RGS6: variants seen among roughly 807,000 people sequenced by gnomAD.
RGS6 encodes the protein regulator of G protein signaling 6, also known as regulator of G-protein signaling 6.
RGS6 carries 30 observed loss-of-function variants against 78.5 expected under a neutral mutation model. The ratio of observed to expected loss-of-function variants is 0.38; its 90% CI spans 0.29 to 0.52. The LOEUF is 0.52. RGS6 is among the 20% of genes least tolerant of loss of function. RGS6 has a pLI of 0.85. For synonymous variants in RGS6, 206 were observed against 206.0 expected (o/e 1.00, Z 0.00); for missense variants, 495 against 609.7 (o/e 0.81, Z 1.98).
chr14:72,170,309 C>T (rs1179392035), intron 2 of RGS6, among the ~76,000 whole-genome samples: 1 of 152,200 alleles, frequency 6.6e-6, no homozygotes, highest in Non-Finnish European at 1.5e-5. Flanking sequence ...GCCTAGTGGA[C>T]AATTTTAAGA....
intron 2 of RGS6, among the ~76,000 whole-genome samples, chr14:72,264,406 G>T (rs943083040): frequency 6.6e-6 from 1 of 152,186 alleles, no homozygotes; most frequent in Non-Finnish European, 1.5e-5. Context: ...ACTTTGAGTG[G>T]TTACTGGGGG....
At chr14:72,178,107 C>T (rs2097129930) in intron 2 of RGS6, among the ~76,000 whole-genome samples, 1 of 152,206 alleles carries the variant, frequency 6.6e-6, no homozygotes, top group South Asian at 2.1e-4. Flanking sequence ...CACTGAAAAC[C>T]AGATCTCAGG....
chr14:72,086,082 C>T (rs1470288368), intron 2 of RGS6, among the ~76,000 whole-genome samples: 1 of 152,036 alleles, frequency 6.6e-6, no homozygotes, highest in Non-Finnish European at 1.5e-5. Flanking sequence ...ATGCTGAAGT[C>T]ATTTAAAAAA....
chr14:72,445,228 G>T (rs1400852267), intron 3 of RGS6, among the ~76,000 whole-genome samples: 2 of 152,356 alleles, frequency 1.3e-5, no homozygotes, highest in South Asian at 2.1e-4. Flanking sequence ...GTCTCATGCT[G>T]TCGCCCAGGC....
chr14:72,301,139 C>T (rs755360292), intron 2 of RGS6, among the ~76,000 whole-genome samples: 7 of 152,122 alleles, frequency 4.6e-5, no homozygotes, highest in Non-Finnish European at 7.4e-5. Context: ...TATTCTTCTC[C>T]GAGTTTCAGA....
intron 1 of RGS6, among the ~76,000 whole-genome samples, chr14:71,948,525 A>G (rs773076803): frequency 1.1e-4 from 17 of 152,198 alleles, no homozygotes; most frequent in Admixed American, 3.3e-4. Context: ...TTTCAAACAT[A>G]CAGTTCTACT....
At chr14:72,336,431 C>T (rs2076040240) in intron 2 of RGS6, among the ~76,000 whole-genome samples, 1 of 151,934 alleles carries the variant, frequency 6.6e-6, no homozygotes, top group Admixed American at 6.6e-5. Flanking sequence ...TACTGGAGAT[C>T]AGACAATATG....
At chr14:72,621,322 CTGTT>C in the RGS6 span, among the ~76,000 whole-genome samples, 1 of 152,104 alleles carries the variant, frequency 6.6e-6, no homozygotes, top group African/African-American at 2.4e-5. Context: ...TGCTCGGAAA[CTGTT>C]TGTGATCTGG....
intron 2 of RGS6, among the ~76,000 whole-genome samples, chr14:72,273,175 G>A (rs937866898): frequency 3.9e-5 from 6 of 152,224 alleles, no homozygotes; most frequent in Middle Eastern, 3.4e-3. Context: ...GAGATGTACG[G>A]GTTCACATAT....
rs771794072 is a variant in RGS6 at position 72,476,835 on chromosome 14, A to G, written c.787A>G (p.Lys263Glu). 1 of 1,613,752 alleles carries G rather than the reference A, an allele frequency of 6.2e-7. No individual in the cohort carries two copies. The highest frequency in any genetic ancestry group is 8.5e-7 in the Non-Finnish European group (1 of 1,179,748). ...GAAAACAACAAAAGAGGACATCCGG[A>G]AACAGGTGAATGAATTGACAGCTTG... is the stretch of plus-strand genomic sequence containing the variant. ...IRKTTKEDIRKQITFLNAQID... is the reference protein window; with the variant it reads ...IRKTTKEDIREQITFLNAQID... The change falls in exon 11 of 18, where the codon AAA (lysine) becomes GAA (glutamate). Residue 263 changes from lysine (K) to glutamate (E), a missense_variant. Transcript: ENST00000553525.
At chr14:72,313,856 T>G (rs529848552) in intron 2 of RGS6, among the ~76,000 whole-genome samples, 2 of 152,308 alleles carry the variant, frequency 1.3e-5, no homozygotes, top group Admixed American at 1.3e-4. Flanking sequence ...AGATATTATT[T>G]TGCTGCCATG....
the RGS6 span, among the ~76,000 whole-genome samples, chr14:71,883,522 G>C: frequency 6.6e-6 from 1 of 151,890 alleles, no homozygotes; most frequent in Non-Finnish European, 1.5e-5. Flanking sequence ...ATCTAAACCA[G>C]AGCGACTCCA....
chr14:72,262,952 G>A (rs1431199300), intron 2 of RGS6, among the ~76,000 whole-genome samples: 2 of 152,114 alleles, frequency 1.3e-5, no homozygotes, highest in Non-Finnish European at 2.9e-5. Context: ...GGCAGCTCCA[G>A]GCTGATCTGG....
intron 2 of RGS6, among the ~76,000 whole-genome samples, chr14:72,115,447 G>T (rs760798712): frequency 6.6e-6 from 1 of 152,128 alleles, no homozygotes; most frequent in Non-Finnish European, 1.5e-5. Flanking sequence ...TTGGTCTCTT[G>T]CTGCCTTTCA....
intron 1 of RGS6, among the ~76,000 whole-genome samples, chr14:71,952,911 C>T (rs1381203296): frequency 6.6e-6 from 1 of 152,232 alleles, no homozygotes; most frequent in African/African-American, 2.4e-5. Context: ...CTTCTTAGGT[C>T]CCCTGGGAAC....
chr14:72,155,782 A>C (rs1197254974), intron 2 of RGS6, among the ~76,000 whole-genome samples: 1 of 152,216 alleles, frequency 6.6e-6, no homozygotes, highest in Non-Finnish European at 1.5e-5. Context: ...GAATCATCAC[A>C]TCTACTGTGG....
intron 2 of RGS6, among the ~76,000 whole-genome samples, chr14:72,249,292 G>T (rs573708810): frequency 6.6e-6 from 1 of 152,212 alleles, no homozygotes; most frequent in Admixed American, 6.5e-5. Flanking sequence ...ACCAAGGTTT[G>T]TTATGCAGAT....
chr14:72,510,011 GC>G, intron 13 of RGS6, 142 bp from the exon 14 acceptor site: 1 of 945,436 alleles, frequency 1.1e-6, no homozygotes, highest in Non-Finnish European at 1.6e-6. Context: ...AATTTGTGCA[GC>G]TTTTGTAGAA....
At chr14:72,352,330 C>A in intron 3 of RGS6, 136 bp downstream of exon 3, 1 of 599,350 alleles carries the variant, frequency 1.7e-6, no homozygotes, top group Non-Finnish European at 2.9e-6. Context: ...TGACTCAGGT[C>A]CCATCCTAGT....
Sources: gnomAD v4.1 joint callset for allele counts (sites outside exome capture counted in the v4.1 genomes callset) on GRCh38, gnomAD v4.1.1 for gene constraint, MANE v1.5 for transcripts, NCBI Gene and HGNC (gene_info 2026-07-23, HGNC 2026-07-21) for gene names.